Variants in SLK observed in about 807,000 individuals in gnomAD.
SLK encodes STE20-like serine/threonine-protein kinase.
A neutral mutation model predicts 147.7 loss-of-function variants in SLK; 67 were observed. The ratio of observed to expected loss-of-function variants is 0.45; its 90% CI spans 0.37 to 0.56. The LOEUF is 0.56. Among genes scored for constraint, SLK ranks in the 20% least tolerant of loss-of-function variants. The pLI is 0.00. For missense variants in SLK, 1,136 were observed against 1,438.8 expected, an observed-to-expected ratio of 0.79 and a Z score of 3.41; for synonymous variants, 441 against 475.0, an observed-to-expected ratio of 0.93 and a Z score of 0.93.
intron 13 of SLK, among the ~76,000 whole-genome samples, chr10:104,017,645 A>G (rs1015502889): frequency 2.6e-5 from 4 of 152,048 alleles, no homozygotes; most frequent in African/African-American, 9.7e-5. Flanking sequence ...ACATCTGGCT[A>G]ATTTTTGTAT....
intron 1 of SLK, among the ~76,000 whole-genome samples, chr10:103,968,136 C>A (rs1413392138): frequency 6.6e-6 from 1 of 152,160 alleles, no homozygotes; most frequent in South Asian, 2.1e-4. Flanking sequence ...GTTATAAAGT[C>A]TACTCTTTCA....
intron 1 of SLK, among the ~76,000 whole-genome samples, chr10:103,971,935 A>G (rs977565150): frequency 1.3e-5 from 2 of 152,162 alleles, no homozygotes; most frequent in African/African-American, 4.8e-5. Context: ...CCTATCTTTA[A>G]GTTATTCATT....
chr10:103,993,478 A>T (rs1241604223), intron 4 of SLK, among the ~76,000 whole-genome samples: 8 of 152,182 alleles, frequency 5.3e-5, no homozygotes, highest in Admixed American at 5.2e-4. Context: ...TATAGTATGT[A>T]AAACTGCTAA....
rs746751600 is a variant in SLK at position 104,003,525 on chromosome 10, C to T, written c.2347C>T (p.Gln783Ter). The stretch of plus-strand genomic sequence containing the variant: ...TAAAGACAGTGGATCGATATCTTTA[C>T]AAGTAAGTGTACATGAGTCATTGTT... ...KTKDSGSISL[Q>*]ETRRQKKTLK... Residue 783 changes from glutamine to a stop codon, truncating the protein, a stop_gained and splice_region_variant, in exon 9 of 19, where the codon CAA becomes TAA. Transcript: ENST00000369755. LOFTEE classifies it high-confidence loss of function. The T allele has an allele frequency of 6.4e-7, 1 of 1,561,986 alleles. No homozygotes were observed. The highest frequency in any genetic ancestry group is 8.6e-7 in the Non-Finnish European group (1 of 1,156,866).
intron 13 of SLK, among the ~76,000 whole-genome samples, chr10:104,016,648 T>G (rs1340003908): frequency 6.6e-6 from 1 of 152,182 alleles, no homozygotes; most frequent in Non-Finnish European, 1.5e-5. Flanking sequence ...ATGCAAATGA[T>G]GATGCAGATG....
chr10:104,006,199 G>C (rs554133731), intron 11 of SLK, among the ~76,000 whole-genome samples, 164 bp downstream of exon 11: 1 of 152,084 alleles, frequency 6.6e-6, no homozygotes, highest in African/African-American at 2.4e-5. Context: ...TTGGTGTTCT[G>C]GATGCCTTTT....
chr10:103,999,966 C>T lies in SLK; in HGVS notation c.864+18C>T. The T allele has an allele frequency of 1.8e-6, 2 of 1,100,320 alleles. No homozygotes were observed. The highest frequency in any genetic ancestry group is 3.1e-5 in the South Asian group (2 of 63,756). The allele number at this position is 1,100,320 out of a possible 1,614,324, so 68.2% of individuals were successfully genotyped here. ...TGCTGCAGGTAAGAGAGTATGACAA[C>T]AGCAAATAATATAATTATTTTAACA... On this transcript the variant is annotated intron_variant, in intron 7 of 18. Coordinates refer to ENST00000369755, the MANE Select transcript of SLK (RefSeq NM_014720.4).
rs966491091 is a variant in SLK, at chr10:103,988,410, A to G, written c.151-2265A>G. On this transcript the variant is annotated intron_variant, in intron 1 of 18. Coordinates refer to ENST00000369755, the MANE Select transcript of SLK (RefSeq NM_014720.4). ...CCTAGTGTTCCATTAACGGAACGCT[A>G]AGCTTGTGGGGGTTATTTATATCCT... 4.6e-5 allele frequency among the ~76,000 whole-genome samples: 7 copies of G among 152,308 alleles called. No individual in the cohort carries two copies. In the South Asian group the frequency reaches 6.2e-4, roughly 14 times the overall value.
At chr10:104,018,393 A>T (rs1844492124) in intron 14 of SLK, 104 bp downstream of exon 14, 1 of 1,024,488 alleles carries the variant, frequency 9.8e-7, no homozygotes, top group Non-Finnish European at 1.4e-6. Flanking sequence ...TGCCCTGATG[A>T]TGCTGGAAAT....
At chr10:104,000,916 G>C (rs566464258) in intron 7 of SLK, among the ~76,000 whole-genome samples, 28 of 151,798 alleles carry the variant, frequency 1.8e-4, no homozygotes, top group Admixed American at 9.2e-4. Flanking sequence ...AAAATCAGCC[G>C]GGCATGGTGG....
At chr10:104,007,999 C>A (rs1844350480) in intron 11 of SLK, among the ~76,000 whole-genome samples, 178 bp from the exon 12 acceptor site, 1 of 152,064 alleles carries the variant, frequency 6.6e-6, no homozygotes, top group South Asian at 2.1e-4. Context: ...AAAAAGAACT[C>A]ATTTTTTTGA....
At chr10:104,014,256 C>T (rs1230295550) in intron 13 of SLK, among the ~76,000 whole-genome samples, 2 of 152,124 alleles carry the variant, frequency 1.3e-5, no homozygotes, top group African/African-American at 4.8e-5. Context: ...GATTTTCATT[C>T]CGTTTAACTC....
At chr10:103,980,861 A>G (rs1342751879) in intron 1 of SLK, among the ~76,000 whole-genome samples, 2 of 152,032 alleles carry the variant, frequency 1.3e-5, no homozygotes, top group Admixed American at 6.5e-5. Context: ...GGATTCCTGG[A>G]TCTTGTAGGA....
chr10:103,996,421 C>T (rs1460360090), intron 4 of SLK, among the ~76,000 whole-genome samples: 2 of 115,796 alleles, frequency 1.7e-5, no homozygotes, highest in Non-Finnish European at 3.3e-5. Flanking sequence ...TTTTTTGAGA[C>T]GGAGTCTTGC....
intron 1 of SLK, among the ~76,000 whole-genome samples, chr10:103,977,440 A>G (rs1359873094): frequency 6.6e-6 from 1 of 152,126 alleles, no homozygotes; most frequent in African/African-American, 2.4e-5. Context: ...GCGAGACCCC[A>G]TGTCTACGGA....
intron 9 of SLK, among the ~76,000 whole-genome samples, chr10:104,005,242 T>C (rs576993835): frequency 6.6e-6 from 1 of 152,308 alleles, no homozygotes; most frequent in Admixed American, 6.5e-5. Context: ...AAAGTTCTAC[T>C]GATTAGCTAT....
chr10:103,999,291 A>T lies in SLK; in HGVS notation c.760A>T (p.Thr254Ser), dbSNP rs199953246. The T allele has an allele frequency of 6.2e-7, 1 of 1,610,632 alleles. No individual in the cohort carries two copies. The highest frequency in any genetic ancestry group is 2.2e-5 in the East Asian group (1 of 44,834). ...AAAAATAGCAAAATCTGAGCCACCT[A>T]CATTAGCACAGCCATCCAGATGGTA... ...LLKIAKSEPP[T>S]LAQPSRWSSN... Residue 254 changes from threonine to serine, a missense_variant, in exon 6 of 19, where the codon ACA becomes TCA. Physicochemically the swap from Thr to Ser is moderately conservative, Grantham distance 58 (BLOSUM62 1). This residue lies in a region of SLK where 141 missense variants were observed against 219.3 expected (regional missense o/e 0.64). Transcript: ENST00000369755.
At chr10:103,971,684 C>T (rs751074316) in intron 1 of SLK, among the ~76,000 whole-genome samples, 1 of 152,208 alleles carries the variant, frequency 6.6e-6, no homozygotes, top group African/African-American at 2.4e-5. Context: ...AAACTAAACT[C>T]TTGGCTGTGT....
At chr10:103,995,882 TA>T (rs1251180014) in intron 4 of SLK, among the ~76,000 whole-genome samples, 2 of 152,222 alleles carry the variant, frequency 1.3e-5, no homozygotes, top group Admixed American at 1.3e-4. Flanking sequence ...AGTTCATATA[TA>T]TTTCCTATTC....
Sources: gnomAD v4.1 joint callset for allele counts (sites outside exome capture counted in the v4.1 genomes callset) on GRCh38, gnomAD v4.1.1 for gene constraint, gnomAD v4.1.1 regional missense constraint, MANE v1.5 for transcripts, NCBI Gene and HGNC (gene_info 2026-07-23, HGNC 2026-07-21) for gene names.